The following CDK14 variants were observed in gnomAD, a reference collection of about 807,000 sequenced individuals.
The protein encoded by CDK14 is cyclin-dependent kinase 14.
A neutral mutation model predicts 60.7 loss-of-function variants in CDK14; 34 were observed. The ratio of observed to expected loss-of-function variants is 0.56; its 90% CI spans 0.43 to 0.75. The LOEUF (loss-of-function observed/expected upper bound fraction) is 0.75. CDK14 is among the 30% of genes least tolerant of loss of function. The pLI is 0.00. For missense variants in CDK14, 482 were observed against 564.1 expected (o/e 0.85, Z 1.47); for synonymous variants, 197 against 203.7 (o/e 0.97, Z 0.28).
At chr7:90,833,000 C>A (rs1789963778) in intron 5 of CDK14, among the ~76,000 whole-genome samples, 1 of 152,166 alleles carries the variant, frequency 6.6e-6, no homozygotes, top group African/African-American at 2.4e-5. Flanking sequence ...CACCTTGTCA[C>A]CCATCATGTC....
chr7:91,056,576 A>G (rs187540615), intron 11 of CDK14, among the ~76,000 whole-genome samples: 1,422 of 139,712 alleles, frequency 0.01, 20 homozygotes, highest in African/African-American at 0.034. Context: ...ACCCCACAAC[A>G]GGCCCCGGCG....
At chr7:91,103,353 C>T (rs1360929640) in intron 12 of CDK14, among the ~76,000 whole-genome samples, 1 of 152,172 alleles carries the variant, frequency 6.6e-6, no homozygotes, top group Non-Finnish European at 1.5e-5. Flanking sequence ...TTTTGTCCTC[C>T]ACTTTCCATT....
At chr7:90,606,698 G>T (rs1799425598) in intron 2 of CDK14, among the ~76,000 whole-genome samples, 1 of 152,176 alleles carries the variant, frequency 6.6e-6, no homozygotes, top group Non-Finnish European at 1.5e-5. Context: ...GTATGGGGGT[G>T]ATTGGATTCA....
intron 2 of CDK14, among the ~76,000 whole-genome samples, chr7:90,606,474 C>A (rs1799421544): frequency 6.6e-6 from 1 of 152,138 alleles, no homozygotes; most frequent in Non-Finnish European, 1.5e-5. Context: ...TTCATCATCA[C>A]CATCATCATC....
chr7:90,912,682 A>G (rs918523196), intron 7 of CDK14, among the ~76,000 whole-genome samples: 2 of 152,116 alleles, frequency 1.3e-5, no homozygotes, highest in Non-Finnish European at 2.9e-5. Context: ...ATCTCAGTTC[A>G]CTGCAATCTC....
intron 5 of CDK14, among the ~76,000 whole-genome samples, chr7:90,811,485 T>C (rs1478807087): frequency 6.6e-6 from 1 of 152,184 alleles, no homozygotes; most frequent in Non-Finnish European, 1.5e-5. Flanking sequence ...ATTAAAGACT[T>C]AAACGTTAGA....
At chr7:90,889,445 G>T (rs1792048008) in intron 6 of CDK14, among the ~76,000 whole-genome samples, 1 of 152,164 alleles carries the variant, frequency 6.6e-6, no homozygotes, top group Admixed American at 6.5e-5. Flanking sequence ...GCCCCAGGCT[G>T]CCCGTACATT....
chr7:90,765,594 C>A (rs544414966), intron 4 of CDK14, among the ~76,000 whole-genome samples: 14 of 122,300 alleles, frequency 1.1e-4, no homozygotes, highest in Non-Finnish European at 1.8e-4. Flanking sequence ...CATTTTACAA[C>A]TAGGAAGGTT....
At chr7:90,985,208 A>C (rs1795339230) in intron 10 of CDK14, among the ~76,000 whole-genome samples, 1 of 152,144 alleles carries the variant, frequency 6.6e-6, no homozygotes, top group Admixed American at 6.6e-5. Context: ...AAAATGTGTA[A>C]AATGTAAGTG....
Position 90,808,832 on chromosome 7 carries a change from A to G in CDK14, c.544+18180A>G, listed in dbSNP as rs545251038. On this transcript the variant is annotated intron_variant, in intron 5 of 14. Coordinates refer to ENST00000380050, the MANE Select transcript of CDK14 (RefSeq NM_001287135.2). ...GGTTGCAATCCTAGTCTGTGATAAG[A>G]CAGACTTTAAACCAACAAAGATCAA... Among the ~76,000 whole-genome samples, 4 of 152,324 alleles carry G rather than the reference A, an allele frequency of 2.6e-5. No homozygotes were observed. The South Asian group carries it at 8.3e-4, about 32-fold the overall frequency.
intron 2 of CDK14, among the ~76,000 whole-genome samples, chr7:90,610,394 T>G (rs139181970): frequency 7.2e-5 from 11 of 152,334 alleles, no homozygotes; most frequent in Non-Finnish European, 1.0e-4. Flanking sequence ...CTTGCATTTG[T>G]GTCCTTGTGC....
intron 10 of CDK14, among the ~76,000 whole-genome samples, chr7:91,040,256 A>C (rs1797051864): frequency 6.6e-6 from 1 of 152,062 alleles, no homozygotes; most frequent in African/African-American, 2.4e-5. Flanking sequence ...TTCCAGGTGG[A>C]GAGTGCACAG....
intron 5 of CDK14, among the ~76,000 whole-genome samples, chr7:90,811,853 G>T (rs1164552111): frequency 6.6e-6 from 1 of 152,154 alleles, no homozygotes; most frequent in African/African-American, 2.4e-5. Context: ...ACAACCAAAA[G>T]ACACATGAAA....
chr7:90,735,972 C>G (rs113294729), intron 3 of CDK14, among the ~76,000 whole-genome samples: 2,345 of 152,326 alleles, frequency 0.015, 21 homozygotes, highest in Middle Eastern at 0.027. Context: ...CGGCGGGAAT[C>G]TCCTGGTCTT....
chr7:90,925,370 C>T (rs1240287091), intron 8 of CDK14, among the ~76,000 whole-genome samples: 1 of 152,042 alleles, frequency 6.6e-6, no homozygotes, highest in Non-Finnish European at 1.5e-5. Flanking sequence ...TGAAATGGGT[C>T]AGTGAGTTGG....
At chr7:90,630,888 A>ATGTGTGTGTGTGTGTGTGTGTG (rs55859300) in intron 2 of CDK14, among the ~76,000 whole-genome samples, 81 of 148,470 alleles carry the variant, frequency 5.5e-4, no homozygotes, top group African/African-American at 1.3e-3. Context: ...TGGGGTGTGT[A>ATGTGTGTGTGTGTGTGTGTGTG]TGTGTGTGTG....
intron 10 of CDK14, among the ~76,000 whole-genome samples, chr7:91,021,492 A>G (rs1796433924): frequency 6.6e-6 from 1 of 152,186 alleles, no homozygotes; most frequent in Admixed American, 6.5e-5. Context: ...GATTTTTAAG[A>G]TCCCTTCCAG....
At chr7:91,007,142 C>A (rs1796001219) in intron 10 of CDK14, among the ~76,000 whole-genome samples, 2 of 152,138 alleles carry the variant, frequency 1.3e-5, no homozygotes, top group African/African-American at 4.8e-5. Context: ...AGTCTACACT[C>A]CCATCAGCAG....
At chr7:90,748,837 C>A (rs118093445) in intron 4 of CDK14, among the ~76,000 whole-genome samples, 5,081 of 152,252 alleles carry the variant, frequency 0.033, 99 homozygotes, top group South Asian at 0.057. Flanking sequence ...GATCCTCTGG[C>A]CTCGGCCACC....
Sources: gnomAD v4.1 joint callset for allele counts (sites outside exome capture counted in the v4.1 genomes callset) on GRCh38, gnomAD v4.1.1 for gene constraint, MANE v1.5 for transcripts, NCBI Gene and HGNC (gene_info 2026-07-23, HGNC 2026-07-21) for gene names.